The following NPHS2 variants were observed in gnomAD, a reference collection of about 807,000 sequenced individuals.
NPHS2 encodes NPHS2 stomatin family member, podocin.
A neutral mutation model predicts 37.1 loss-of-function variants in NPHS2; 36 were observed. The observed-to-expected ratio is 0.97, with a 90% confidence interval of 0.74 to 1.28. The LOEUF is 1.28. Ranked by LOEUF, NPHS2 falls within the 50% of genes most tolerant of loss-of-function variation. NPHS2 has a pLI of 0.00. For missense variants in NPHS2, 447 were observed against 488.1 expected, an observed-to-expected ratio of 0.92 and a Z score of 0.79; for synonymous variants, 196 against 189.3, an observed-to-expected ratio of 1.04 and a Z score of -0.29.
At chr1:179,571,665 C>T (rs1397865421) in intron 1 of NPHS2, among the ~76,000 whole-genome samples, 1 of 152,238 alleles carries the variant, frequency 6.6e-6, no homozygotes, top group African/African-American at 2.4e-5. Flanking sequence ...CACCTATGCC[C>T]TGCTCACAGA....
At chr1:179,565,070 A>G (rs1163455670) in intron 1 of NPHS2, among the ~76,000 whole-genome samples, 1 of 152,086 alleles carries the variant, frequency 6.6e-6, no homozygotes, top group Non-Finnish European at 1.5e-5. Context: ...CAGGAGTTCA[A>G]GATCAGCCTG....
chr1:179,557,295 G>A, intron 4 of NPHS2, 65 bp from the exon 5 acceptor site: 3 of 1,272,656 alleles, frequency 2.4e-6, no homozygotes, highest in South Asian at 1.2e-5. Context: ...TGGGGTTAGA[G>A]GAACTAAATG....
intron 6 of NPHS2, among the ~76,000 whole-genome samples, chr1:179,554,072 C>T (rs1029473572): frequency 6.6e-6 from 1 of 152,046 alleles, no homozygotes; most frequent in Non-Finnish European, 1.5e-5. Flanking sequence ...GCTACCACGC[C>T]CAGCTAATTT....
At chr1:179,552,176 C>A in intron 7 of NPHS2, 1 of 218,610 alleles carries the variant, frequency 4.6e-6, no homozygotes, top group Non-Finnish European at 9.2e-6. Flanking sequence ...TCTCTTGGCT[C>A]TAGCATTGAG....
In NPHS2 at chr1:179,551,140, G is replaced by C. The variant is rs1558336053; in HGVS notation, c.*33C>G. 6.2e-7 allele frequency: 1 copy of C among 1,612,808 alleles called. No homozygotes were observed. Among genetic ancestry groups the C allele is most frequent in the Non-Finnish European group, 8.5e-7 (1 of 1,179,714 alleles). On this transcript the variant is annotated 3_prime_UTR_variant, in exon 8 of 8. Transcript: ENST00000367615. ...CAGGCATGTGACTTTTCTATGGCAG[G>C]CCCCTTTACAGTCACATTATGCCCC...
At chr1:179,567,739 C>A (rs957267674) in intron 1 of NPHS2, among the ~76,000 whole-genome samples, 13 of 152,110 alleles carry the variant, frequency 8.5e-5, no homozygotes, top group African/African-American at 2.9e-4. Context: ...AGATATGTTC[C>A]ATCAATACCT....
intron 1 of NPHS2, among the ~76,000 whole-genome samples, chr1:179,568,397 A>G (rs1357931635): frequency 2.0e-5 from 3 of 152,032 alleles, no homozygotes; most frequent in Non-Finnish European, 4.4e-5. Flanking sequence ...ATAGGTGGTG[A>G]TATCCTCTTT....
At chr1:179,557,952 T>G (rs181372991) in intron 4 of NPHS2, among the ~76,000 whole-genome samples, 26 of 152,328 alleles carry the variant, frequency 1.7e-4, no homozygotes, top group Admixed American at 9.2e-4. Context: ...TATACCCATC[T>G]GTAAATATAA....
At chr1:179,565,791 A>T (rs913460719) in intron 1 of NPHS2, among the ~76,000 whole-genome samples, 3 of 137,814 alleles carry the variant, frequency 2.2e-5, no homozygotes, top group Non-Finnish European at 4.5e-5. Flanking sequence ...CTCATTGTTC[A>T]TTTCCCATCT....
chr1:179,568,340 T>C lies in NPHS2; in HGVS notation c.275-3547A>G, dbSNP rs187579256. Among the ~76,000 whole-genome samples the C allele has an allele frequency of 3.8e-4, 58 of 152,346 alleles. 1 individual carries two copies. In the East Asian group the frequency reaches 0.01, roughly 27 times the overall value. On this transcript the variant is annotated intron_variant, in intron 1 of 7. Coordinates refer to ENST00000367615, the MANE Select transcript of NPHS2 (RefSeq NM_014625.4). ...TTCTAGATTTTCTACTTTATTTGTG[T>C]AGAGGTGCTTACAGTATTCTCTGAT...
In NPHS2 at chr1:179,575,819, C is replaced by A. The variant is rs868756536; in HGVS notation, c.46G>T (p.Gly16Cys). 1 of 1,460,004 alleles carries A rather than the reference C, an allele frequency of 6.8e-7. No homozygotes were observed. 90.4% of individuals were successfully genotyped at this position (1,460,004 alleles called of 1,614,324 possible). Residue 16 changes from glycine (G) to cysteine (C), a missense_variant, in exon 1 of 8, where the codon GGC (glycine) becomes TGC (cysteine). Transcript: ENST00000367615. The stretch of plus-strand genomic sequence containing the variant: ...TTCTCCTTGTGCGGAGTCCTGCCGC[C>A]TCGCCCGCGGGACTCCCTGGAGGAG... ...RSSSRESRGR[G>C]GRTPHKENKR...
chr1:179,551,819 G>T, intron 7 of NPHS2: 1 of 274,692 alleles, frequency 3.6e-6, no homozygotes, highest in Non-Finnish European at 7.0e-6. Context: ...GAAAGTGAAT[G>T]GGTAAACATT....
chr1:179,574,313 G>A (rs2101885349), intron 1 of NPHS2, among the ~76,000 whole-genome samples: 1 of 152,296 alleles, frequency 6.6e-6, no homozygotes, highest in South Asian at 2.1e-4. Context: ...CCAGCTACAC[G>A]ACTTGGGCAT....
chr1:179,553,100 C>G (rs1269661936), intron 6 of NPHS2, among the ~76,000 whole-genome samples: 1 of 152,148 alleles, frequency 6.6e-6, no homozygotes, highest in South Asian at 2.1e-4. Context: ...GTACAACTGA[C>G]CAAATAAGAA....
chr1:179,561,358 C>T lies in NPHS2; in HGVS notation c.382G>A (p.Val128Ile). ...ATAATTACTCTTTCATACTCTTGTA[C>T]AACCTAAAGAGAAATTTAATCCTTT... is the stretch of plus-strand genomic sequence containing the variant. ...PFSIWFCVKV[V>I]QEYERVIIFR... The change falls in exon 3 of 8, where the codon GTA (valine) becomes ATA (isoleucine). Residue 128 changes from valine to isoleucine, a missense_variant. By Grantham distance (29) the Val-to-Ile change is conservative. Transcript: ENST00000367615. 6.2e-7 allele frequency: 1 copy of T among 1,607,620 alleles called. No individual in the cohort carries two copies. The highest frequency in any genetic ancestry group is 2.2e-5 in the East Asian group (1 of 44,824).
At chr1:179,562,225 GA>G (rs1174201906) in intron 2 of NPHS2, among the ~76,000 whole-genome samples, 1 of 152,166 alleles carries the variant, frequency 6.6e-6, no homozygotes, top group Admixed American at 6.6e-5. Flanking sequence ...ATGTCTATTA[GA>G]AGAGAAATAG....
At chr1:179,565,274 A>C (rs1000391125) in intron 1 of NPHS2, among the ~76,000 whole-genome samples, 1 of 152,148 alleles carries the variant, frequency 6.6e-6, no homozygotes, top group Non-Finnish European at 1.5e-5. Context: ...ATCTTGTCTC[A>C]AAAATAAAAT....
At chr1:179,560,576 A>T (rs1015431897) in intron 3 of NPHS2, among the ~76,000 whole-genome samples, 1 of 151,892 alleles carries the variant, frequency 6.6e-6, no homozygotes, top group Admixed American at 6.6e-5. Flanking sequence ...TCAAACTCTG[A>T]TATTTGTCCC....
At chr1:179,571,677 G>A (rs983310692) in intron 1 of NPHS2, among the ~76,000 whole-genome samples, 13 of 152,368 alleles carry the variant, frequency 8.5e-5, no homozygotes, top group Non-Finnish European at 1.3e-4. Context: ...GCTCACAGAG[G>A]TGGAGTCTAG....
Sources: allele counts gnomAD v4.1 joint callset (sites outside exome capture counted in the v4.1 genomes callset), GRCh38; gene constraint gnomAD v4.1.1; transcripts MANE v1.5; gene names NCBI Gene and HGNC (gene_info 2026-07-23, HGNC 2026-07-21).